GRIN2B: variants seen among roughly 807,000 people sequenced by gnomAD.
GRIN2B encodes glutamate receptor ionotropic, NMDA 2B.
GRIN2B carries 5 observed loss-of-function variants against 114.5 expected under a neutral mutation model. That is an observed-to-expected ratio of 0.04 (90% confidence interval 0.02 to 0.09). The LOEUF (loss-of-function observed/expected upper bound fraction) is 0.09, where lower values mean the gene tolerates loss of function less well. Ranked by LOEUF, GRIN2B falls within the 10% of genes least tolerant of loss-of-function variation. The pLI is 1.00. For missense variants in GRIN2B, 1,108 were observed against 1,943.5 expected (o/e 0.57, Z 8.08); for synonymous variants, 787 against 745.1 (o/e 1.06, Z -0.92).
chr12:13,980,576 G>A (rs946285705), intron 1 of GRIN2B, among the ~76,000 whole-genome samples: 1 of 152,110 alleles, frequency 6.6e-6, no homozygotes, highest in Non-Finnish European at 1.5e-5. Flanking sequence ...AGGCACGGAT[G>A]AGAGGTGGGA....
chr12:13,956,808 T>C (rs1411174812), intron 2 of GRIN2B, among the ~76,000 whole-genome samples: 1 of 152,196 alleles, frequency 6.6e-6, no homozygotes, highest in African/African-American at 2.4e-5. Flanking sequence ...CAGTTAACTC[T>C]GAGGTTAACT....
intron 10 of GRIN2B, among the ~76,000 whole-genome samples, chr12:13,599,209 G>A (rs945956106): frequency 2.0e-5 from 3 of 152,212 alleles, no homozygotes; most frequent in East Asian, 3.9e-4. Context: ...AGGAAATCTC[G>A]ATGTGGAATC....
At chr12:13,919,630 T>A (rs970710351) in intron 2 of GRIN2B, among the ~76,000 whole-genome samples, 1 of 152,162 alleles carries the variant, frequency 6.6e-6, no homozygotes, top group African/African-American at 2.4e-5. Flanking sequence ...CAACTTAAAC[T>A]AAGTCTTTGG....
intron 4 of GRIN2B, among the ~76,000 whole-genome samples, chr12:13,692,480 A>G (rs960304938): frequency 2.0e-5 from 3 of 152,052 alleles, no homozygotes; most frequent in Admixed American, 2.0e-4. Flanking sequence ...GTCTGTGTGG[A>G]GTTTGCACAT....
intron 2 of GRIN2B, among the ~76,000 whole-genome samples, chr12:13,915,462 C>T (rs893183396): frequency 2.6e-5 from 4 of 152,116 alleles, no homozygotes; most frequent in African/African-American, 9.7e-5. Context: ...TGGGTCTGCT[C>T]CTGGCCATTC....
chr12:13,727,200 C>T (rs916825557), intron 4 of GRIN2B, among the ~76,000 whole-genome samples: 1 of 152,096 alleles, frequency 6.6e-6, no homozygotes, highest in African/African-American at 2.4e-5. Context: ...GAGAGTAAGA[C>T]ACAAAGAAAC....
At chr12:13,661,222 G>A (rs1315294718) in intron 5 of GRIN2B, among the ~76,000 whole-genome samples, 2 of 152,042 alleles carry the variant, frequency 1.3e-5, no homozygotes, top group Non-Finnish European at 2.9e-5. Flanking sequence ...AAGCCATTCC[G>A]GGTGTTCCTT....
At position 13,584,977 on chromosome 12, in the gene GRIN2B, A is replaced by T. The variant is rs1263872268; in HGVS notation, c.2011-13013T>A. Among the ~76,000 whole-genome samples the T allele has an allele frequency of 2.6e-5, 4 of 152,348 alleles. No individual in the cohort carries two copies. In the East Asian group the frequency reaches 5.8e-4, roughly 22 times the overall value. ...TACAAGGGATTGTTCCAGATATTTT[A>T]TAAAAGCTGTGGGTGCTAGCAAAGA... On this transcript the variant is annotated intron_variant, in intron 10 of 13. Transcript: ENST00000609686.
chr12:13,807,099 T>C (rs918818525), intron 3 of GRIN2B, among the ~76,000 whole-genome samples: 7 of 152,154 alleles, frequency 4.6e-5, no homozygotes, highest in African/African-American at 1.7e-4. Context: ...CAAATCTCAT[T>C]AGATTGCTTA....
intron 3 of GRIN2B, among the ~76,000 whole-genome samples, chr12:13,820,238 C>T (rs1196583087): frequency 6.6e-6 from 1 of 152,122 alleles, no homozygotes; most frequent in East Asian, 1.9e-4. Flanking sequence ...AGATCAATGG[C>T]CAAATACCAA....
At chr12:13,922,895 C>T (rs1028309503) in intron 2 of GRIN2B, among the ~76,000 whole-genome samples, 2 of 152,300 alleles carry the variant, frequency 1.3e-5, no homozygotes, top group East Asian at 1.9e-4. Flanking sequence ...AGGATGCTCT[C>T]TTCCTGGAAT....
chr12:13,858,016 C>G (rs1281748318), intron 3 of GRIN2B, among the ~76,000 whole-genome samples: 1 of 152,162 alleles, frequency 6.6e-6, no homozygotes, highest in Non-Finnish European at 1.5e-5. Context: ...TGTCTCTAGA[C>G]TCTTTGTTCT....
At chr12:13,717,539 T>C (rs951473142) in intron 4 of GRIN2B, among the ~76,000 whole-genome samples, 1 of 151,930 alleles carries the variant, frequency 6.6e-6, no homozygotes, top group African/African-American at 2.4e-5. Flanking sequence ...CAGTAGCCTA[T>C]ACAATAGGGC....
intron 2 of GRIN2B, among the ~76,000 whole-genome samples, chr12:13,938,995 G>A (rs1867182642): frequency 6.6e-6 from 1 of 152,134 alleles, no homozygotes; most frequent in Non-Finnish European, 1.5e-5. Context: ...AGGAAAGAAA[G>A]AAAAGAGAAA....
chr12:13,743,549 C>T (rs184553414), intron 4 of GRIN2B, among the ~76,000 whole-genome samples: 18 of 151,716 alleles, frequency 1.2e-4, no homozygotes, highest in Non-Finnish European at 1.5e-5. Flanking sequence ...TATAATAATG[C>T]TCTATTGTGC....
intron 2 of GRIN2B, among the ~76,000 whole-genome samples, chr12:13,902,086 C>T (rs549040984): frequency 6.6e-6 from 1 of 152,032 alleles, no homozygotes; most frequent in African/African-American, 2.4e-5. Flanking sequence ...AAATGTTACA[C>T]CATTCAGCTT....
chr12:13,644,734 C>T (rs1949747689), intron 5 of GRIN2B, among the ~76,000 whole-genome samples: 1 of 152,162 alleles, frequency 6.6e-6, no homozygotes, highest in Non-Finnish European at 1.5e-5. Flanking sequence ...TGCAGCTTCT[C>T]CATCAGCACT....
chr12:13,554,924 G>A lies in GRIN2B; in HGVS notation c.*7859C>T, dbSNP rs1230378005. On this transcript the variant is annotated 3_prime_UTR_variant, in exon 14 of 14. Coordinates refer to ENST00000609686, the MANE Select transcript of GRIN2B (RefSeq NM_000834.5). ...GTGATTATGTTGGTTTGCAGCAATGGTTTTGGATATTTGAGTCAAGATGAA... is the reference window on the plus strand; with the variant it reads ...GTGATTATGTTGGTTTGCAGCAATGATTTTGGATATTTGAGTCAAGATGAA... 2.0e-5 allele frequency: 3 copies of A among 152,204 alleles called. No homozygotes were observed. Among genetic ancestry groups the A allele is most frequent in the Admixed American group, 1.3e-4 (2 of 15,268 alleles). The allele number at this position is 152,204 out of a possible 1,614,324, so 9.4% of individuals were successfully genotyped here.
chr12:13,623,879 T>C (rs545684615), intron 5 of GRIN2B, among the ~76,000 whole-genome samples: 2 of 152,350 alleles, frequency 1.3e-5, no homozygotes, highest in South Asian at 2.1e-4. Context: ...TGTTCTTCTT[T>C]GGTATTAGTA....
Sources: gnomAD v4.1 joint callset for allele counts (sites outside exome capture counted in the v4.1 genomes callset) on GRCh38, gnomAD v4.1.1 for gene constraint, MANE v1.5 for transcripts, NCBI Gene and HGNC (gene_info 2026-07-23, HGNC 2026-07-21) for gene names.